Variants in TMOD1 observed in about 807,000 individuals in gnomAD.
TMOD1 encodes tropomodulin-1.
Under a neutral mutation model 40.6 loss-of-function variants are expected in TMOD1, and 17 were observed. The observed-to-expected ratio is 0.42, with a 90% confidence interval of 0.29 to 0.63. The LOEUF is 0.63. Ranked by LOEUF, TMOD1 falls within the 20% of genes least tolerant of loss-of-function variation. The pLI is 0.22. For missense variants in TMOD1, 391 were observed against 447.6 expected (o/e 0.87, Z 1.14); for synonymous variants, 181 against 175.0 (o/e 1.03, Z -0.27).
intron 8 of TMOD1, among the ~76,000 whole-genome samples, chr9:97,590,923 G>A (rs757059733): frequency 6.6e-6 from 1 of 152,190 alleles, no homozygotes; most frequent in African/African-American, 2.4e-5. Flanking sequence ...GATTCAGGTA[G>A]TTTGGGGTAT....
chr9:97,586,730 G>T (rs544174324), intron 8 of TMOD1, among the ~76,000 whole-genome samples: 1 of 152,114 alleles, frequency 6.6e-6, no homozygotes, highest in Non-Finnish European at 1.5e-5. Context: ...TAAGCCCGTC[G>T]GAAAAGCGCA....
At chr9:97,521,759 CCTT>C (rs769537550) in intron 1 of TMOD1, among the ~76,000 whole-genome samples, 14 of 152,290 alleles carry the variant, frequency 9.2e-5, no homozygotes, top group Admixed American at 2.0e-4. Context: ...GGAAGCAAGT[CCTT>C]CTTATCAAGC....
At chr9:97,560,170 A>T (rs147817414) in intron 4 of TMOD1, among the ~76,000 whole-genome samples, 127 of 152,112 alleles carry the variant, frequency 8.3e-4, no homozygotes, top group African/African-American at 3.0e-3. Flanking sequence ...TATTTGCTAA[A>T]TACCGTATTC....
intron 1 of TMOD1, among the ~76,000 whole-genome samples, chr9:97,523,423 C>A (rs759315912): frequency 6.6e-6 from 1 of 152,142 alleles, no homozygotes; most frequent in Non-Finnish European, 1.5e-5. Flanking sequence ...CCCCTGGCCA[C>A]GCCATTGGGT....
At chr9:97,572,429 AGCT>A (rs1234392111) in intron 8 of TMOD1, among the ~76,000 whole-genome samples, 1 of 152,172 alleles carries the variant, frequency 6.6e-6, no homozygotes, top group East Asian at 1.9e-4. Context: ...ATCAGCCAGG[AGCT>A]ATGGCCTCCA....
chr9:97,546,103 T>G lies in TMOD1; in HGVS notation c.121-82T>G. 2.0e-6 allele frequency: 3 copies of G among 1,476,560 alleles called. No homozygotes were observed. The South Asian group carries it at 4.1e-5, about 20-fold the overall frequency. The allele number at this position is 1,476,560 out of a possible 1,614,324, so 91.5% of individuals were successfully genotyped here. ...GTTCGATGATGAGTTTCTGGAGAAGTGCAAGTCTTCAGCAGCTGACCACTC... is the reference window on the plus strand; with the variant it reads ...GTTCGATGATGAGTTTCTGGAGAAGGGCAAGTCTTCAGCAGCTGACCACTC... On this transcript the variant is annotated intron_variant, in intron 2 of 9. Coordinates refer to ENST00000259365, the MANE Select transcript of TMOD1 (RefSeq NM_003275.4).
At chr9:97,524,334 A>C in intron 2 of TMOD1, 26 bp downstream of exon 2, 1 of 1,609,946 alleles carries the variant, frequency 6.2e-7, no homozygotes, top group Non-Finnish European at 8.5e-7. Context: ...AGGGAAGCAC[A>C]TTGTCACTAG....
chr9:97,549,585 G>A (rs1468225200), intron 3 of TMOD1, among the ~76,000 whole-genome samples: 3 of 152,124 alleles, frequency 2.0e-5, no homozygotes, highest in African/African-American at 7.2e-5. Context: ...ATTAACAGAG[G>A]TTATGATACA....
chr9:97,592,370 G>A (rs552966630), intron 9 of TMOD1, among the ~76,000 whole-genome samples: 1 of 151,936 alleles, frequency 6.6e-6, no homozygotes, highest in South Asian at 2.1e-4. Context: ...CAAGACAGCA[G>A]GAAGCCAAGC....
intron 2 of TMOD1, among the ~76,000 whole-genome samples, chr9:97,529,094 A>G (rs1243979713): frequency 1.3e-5 from 2 of 152,194 alleles, no homozygotes; most frequent in Non-Finnish European, 2.9e-5. Context: ...CGACGTAGCC[A>G]TGCCACTCCA....
chr9:97,515,585 TG>T (rs1182810754), intron 1 of TMOD1, among the ~76,000 whole-genome samples: 1 of 152,214 alleles, frequency 6.6e-6, no homozygotes, highest in Non-Finnish European at 1.5e-5. Context: ...CAGCCTATTT[TG>T]GTACCTTTAA....
intron 5 of TMOD1, among the ~76,000 whole-genome samples, chr9:97,563,573 A>G (rs1160318744): frequency 6.6e-6 from 1 of 151,998 alleles, no homozygotes; most frequent in Non-Finnish European, 1.5e-5. Context: ...TCCTGTGCCA[A>G]TATTGCATTG....
rs1029625732 is a variant in TMOD1 at position 97,600,896 on chromosome 9, C to A, written c.*1198C>A. ...TTGTGCCTTTTAATATACCACAGTG[C>A]CAGTTAAACTAATATTTTTGTTTGT... is the stretch of plus-strand genomic sequence containing the variant. On this transcript the variant is annotated 3_prime_UTR_variant, in exon 10 of 10. Coordinates refer to ENST00000259365, the MANE Select transcript of TMOD1 (RefSeq NM_003275.4). 2.6e-6 allele frequency: 3 copies of A among 1,150,912 alleles called. No homozygotes were observed. The highest frequency in any genetic ancestry group is 3.3e-6 in the Non-Finnish European group (3 of 917,864). 71.3% of individuals were successfully genotyped at this position (1,150,912 alleles called of 1,614,324 possible). A position where few individuals can be genotyped will look rare whatever the true frequency, so the allele number is the denominator to read the frequency against.
intron 2 of TMOD1, among the ~76,000 whole-genome samples, chr9:97,541,899 ACAT>A (rs540292933): frequency 2.5e-3 from 387 of 152,362 alleles, no homozygotes; most frequent in African/African-American, 8.9e-3. Flanking sequence ...CTTATGAGAT[ACAT>A]GATTTACAAA....
chr9:97,528,095 C>G (rs1405325232), intron 2 of TMOD1, among the ~76,000 whole-genome samples: 1 of 152,222 alleles, frequency 6.6e-6, no homozygotes, highest in Admixed American at 6.5e-5. Flanking sequence ...CCCGACATAT[C>G]AGAGCATCCA....
At chr9:97,522,963 G>A (rs748297031) in intron 1 of TMOD1, among the ~76,000 whole-genome samples, 3 of 152,174 alleles carry the variant, frequency 2.0e-5, no homozygotes, top group Non-Finnish European at 2.9e-5. Context: ...TCGAGGTCCT[G>A]CTGTCCCTCC....
intron 5 of TMOD1, 27 bp from the exon 6 acceptor site, chr9:97,564,011 C>A: frequency 6.3e-7 from 1 of 1,598,080 alleles, no homozygotes; most frequent in Non-Finnish European, 8.5e-7. Context: ...TTTCTGTGAG[C>A]CACCTCCCTT....
intron 1 of TMOD1, among the ~76,000 whole-genome samples, chr9:97,520,002 A>G (rs1012857923): frequency 6.6e-6 from 1 of 152,120 alleles, no homozygotes; most frequent in Non-Finnish European, 1.5e-5. Flanking sequence ...AACCCAGTCC[A>G]GGGATTTTCC....
At chr9:97,592,538 A>T (rs1826023126) in intron 9 of TMOD1, among the ~76,000 whole-genome samples, 1 of 152,214 alleles carries the variant, frequency 6.6e-6, no homozygotes. Flanking sequence ...CCTGCTCTAC[A>T]CAATGGTTTC....
Sources: gnomAD v4.1 joint callset for allele counts (sites outside exome capture counted in the v4.1 genomes callset) on GRCh38, gnomAD v4.1.1 for gene constraint, MANE v1.5 for transcripts, NCBI Gene and HGNC (gene_info 2026-07-23, HGNC 2026-07-21) for gene names.